The following KCNAB1 variants were observed in gnomAD, a reference collection of about 807,000 sequenced individuals.
KCNAB1 encodes the protein potassium voltage-gated channel subfamily A regulatory beta subunit 1, also known as voltage-gated potassium channel subunit beta-1.
In KCNAB1, 35 loss-of-function variants were observed where a neutral mutation model predicts 64.6. That is an observed-to-expected ratio of 0.54 (90% confidence interval 0.41 to 0.72). The LOEUF (loss-of-function observed/expected upper bound fraction) is 0.72, where lower values mean the gene tolerates loss of function less well. Among genes scored for constraint, KCNAB1 ranks in the 30% least tolerant of loss-of-function variants. KCNAB1 has a pLI of 0.00. For missense variants in KCNAB1, 401 were observed against 512.9 expected (o/e 0.78, Z 2.11); for synonymous variants, 177 against 183.8 (o/e 0.96, Z 0.30).
At chr3:156,464,645 T>A (rs983935422) in intron 6 of KCNAB1, among the ~76,000 whole-genome samples, 3 of 152,178 alleles carry the variant, frequency 2.0e-5, no homozygotes, top group African/African-American at 7.2e-5. Flanking sequence ...TATGTGTATA[T>A]ACACACTTGC....
At chr3:156,272,770 G>A (rs1719111797) in intron 1 of KCNAB1, among the ~76,000 whole-genome samples, 1 of 151,916 alleles carries the variant, frequency 6.6e-6, no homozygotes, top group Admixed American at 6.6e-5. Flanking sequence ...CTTTTCTCAA[G>A]CAGAAGGAAT....
intron 1 of KCNAB1, among the ~76,000 whole-genome samples, chr3:156,188,879 G>A (rs1713376909): frequency 6.6e-6 from 1 of 152,136 alleles, no homozygotes; most frequent in Admixed American, 6.6e-5. Context: ...ATATTAGACA[G>A]ATAGTTGTGA....
At chr3:156,184,331 A>G (rs1004923091) in intron 1 of KCNAB1, among the ~76,000 whole-genome samples, 3 of 152,118 alleles carry the variant, frequency 2.0e-5, no homozygotes, top group Admixed American at 6.5e-5. Flanking sequence ...CTTTTGTAGC[A>G]TCTCCAGGCT....
At chr3:156,507,509 G>A (rs1576953816) in intron 8 of KCNAB1, among the ~76,000 whole-genome samples, 1 of 152,312 alleles carries the variant, frequency 6.6e-6, no homozygotes, top group South Asian at 2.1e-4. Flanking sequence ...CCAGTCCTCT[G>A]AAGAATGATA....
rs554272137 is a variant in KCNAB1 at position 156,127,884 on chromosome 3, G to GGGGT, written c.275+6999_275+7000insGGTG. ...CAGTTTTAGATTCCTCTTCATTTGG[G>GGGGT]GTGTGTGTGTGTGTGTGTGTGTGTG... On this transcript the variant is annotated intron_variant, in intron 1 of 13. Transcript: ENST00000490337. 1.5e-3 allele frequency among the ~76,000 whole-genome samples: 225 copies of GGGGT among 147,662 alleles called. 3 individuals are homozygous for GGGGT. The highest frequency in any genetic ancestry group is 5.2e-3 in the South Asian group (24 of 4,600).
At chr3:156,271,464 CT>C (rs1719034599) in intron 1 of KCNAB1, among the ~76,000 whole-genome samples, 1 of 152,072 alleles carries the variant, frequency 6.6e-6, no homozygotes, top group Non-Finnish European at 1.5e-5. Context: ...ATCAATTCTG[CT>C]GTTAAGAGAC....
At chr3:156,478,431 TGAGGCACC>T (rs1714538314) in intron 8 of KCNAB1, among the ~76,000 whole-genome samples, 1 of 152,124 alleles carries the variant, frequency 6.6e-6, no homozygotes, top group Non-Finnish European at 1.5e-5. Context: ...ATAATTCTGC[TGAGGCACC>T]TCTTTTAAAC....
chr3:156,208,709 A>G (rs1283231524), intron 1 of KCNAB1, among the ~76,000 whole-genome samples: 1 of 152,198 alleles, frequency 6.6e-6, no homozygotes, highest in Non-Finnish European at 1.5e-5. Flanking sequence ...TTCTGGTGTA[A>G]GTCAGCTGTC....
intron 1 of KCNAB1, among the ~76,000 whole-genome samples, chr3:156,263,162 C>T (rs1045308925): frequency 5.9e-5 from 9 of 151,760 alleles, no homozygotes; most frequent in African/African-American, 1.9e-4. Flanking sequence ...TTTTCTTTTA[C>T]TTGGATTTTG....
At chr3:156,133,289 CA>C (rs1487603057) in intron 1 of KCNAB1, among the ~76,000 whole-genome samples, 4 of 152,234 alleles carry the variant, frequency 2.6e-5, no homozygotes, top group African/African-American at 9.6e-5. Flanking sequence ...TGCTGTTGAA[CA>C]AAATATTAAA....
intron 1 of KCNAB1, among the ~76,000 whole-genome samples, chr3:156,225,289 C>T (rs1716078941): frequency 6.6e-6 from 1 of 152,134 alleles, no homozygotes; most frequent in African/African-American, 2.4e-5. Context: ...AAATGTGAAA[C>T]ACCACACAAA....
At chr3:156,399,135 G>T (rs1194380283) in intron 1 of KCNAB1, among the ~76,000 whole-genome samples, 2 of 152,108 alleles carry the variant, frequency 1.3e-5, no homozygotes, top group African/African-American at 2.4e-5. Context: ...GGATATAAAA[G>T]ATACACCAGC....
At chr3:156,341,497 A>G (rs1376478508) in intron 1 of KCNAB1, among the ~76,000 whole-genome samples, 1 of 152,120 alleles carries the variant, frequency 6.6e-6, no homozygotes. Context: ...ACATGCTGTC[A>G]TTCCCCCCTC....
At chr3:156,321,061 G>C (rs1278425991) in intron 1 of KCNAB1, among the ~76,000 whole-genome samples, 1 of 152,144 alleles carries the variant, frequency 6.6e-6, no homozygotes, top group Non-Finnish European at 1.5e-5. Context: ...GAATAGGTCG[G>C]CACAAGTGCT....
At chr3:156,221,962 T>C (rs1472617836) in intron 1 of KCNAB1, among the ~76,000 whole-genome samples, 4 of 152,048 alleles carry the variant, frequency 2.6e-5, no homozygotes, top group African/African-American at 9.7e-5. Context: ...GAATAGCATC[T>C]CCTTAAAGCA....
rs113997920 is a variant in KCNAB1, at chr3:156,121,405, T to G, written c.275+519T>G. ...CACCAATATAGGGATCTGAGCCCCG[T>G]GTCTAAGACAGATAACATCAGGAGA... On this transcript the variant is annotated intron_variant, in intron 1 of 13. Coordinates refer to ENST00000490337, the MANE Select transcript of KCNAB1 (RefSeq NM_172160.3). Among the ~76,000 whole-genome samples the G allele has an allele frequency of 3.2e-3, 487 of 152,264 alleles. 3 individuals carry two copies. The highest frequency in any genetic ancestry group is 0.011 in the African/African-American group (460 of 41,562).
At chr3:156,384,274 T>C (rs1712402656) in intron 1 of KCNAB1, among the ~76,000 whole-genome samples, 1 of 152,244 alleles carries the variant, frequency 6.6e-6, no homozygotes. Context: ...CAAGATATTA[T>C]GAAGTGACTA....
chr3:156,424,719 C>T (rs1278816862), intron 2 of KCNAB1, among the ~76,000 whole-genome samples: 1 of 152,132 alleles, frequency 6.6e-6, no homozygotes, highest in Non-Finnish European at 1.5e-5. Flanking sequence ...GGTGCCCATG[C>T]AATCCCAGTC....
At chr3:156,354,120 G>GTA (rs34730584) in intron 1 of KCNAB1, among the ~76,000 whole-genome samples, 2,835 of 132,470 alleles carry the variant, frequency 0.021, 27 homozygotes, top group Middle Eastern at 0.038. Context: ...ATGTGTGTGT[G>GTA]TATATATATA....
Sources: gnomAD v4.1 joint callset for allele counts (sites outside exome capture counted in the v4.1 genomes callset) on GRCh38, gnomAD v4.1.1 for gene constraint, MANE v1.5 for transcripts, NCBI Gene and HGNC (gene_info 2026-07-23, HGNC 2026-07-21) for gene names.